NAA35: variants seen among roughly 807,000 people sequenced by gnomAD.
The protein encoded by NAA35 is MAK10 homolog, amino-acid N-acetyltransferase subunit.
Under a neutral mutation model 101.7 loss-of-function variants are expected in NAA35, and 18 were observed. That is an observed-to-expected ratio of 0.18 (90% confidence interval 0.12 to 0.26). The LOEUF is 0.26. NAA35 is among the 10% of genes least tolerant of loss of function. The probability of loss-of-function intolerance (pLI) is 1.00; values close to 1 mark genes in which losing one functional copy is unlikely to be tolerated. For missense variants in NAA35, 601 were observed against 886.8 expected, an observed-to-expected ratio of 0.68 and a Z score of 4.09; for synonymous variants, 267 against 273.1, an observed-to-expected ratio of 0.98 and a Z score of 0.22.
At position 86,020,944 on chromosome 9, in the gene NAA35, CAGG is replaced by C; in HGVS notation, c.2098_2100del (p.Gly700del). ...AACTTTGTGGTTATGAAGTTATTGG[CAGG>C]AGGACACAAAAAGGAATCTAAAGTG... On this transcript the variant is annotated inframe_deletion, in exon 22 of 23. Coordinates refer to ENST00000361671, the MANE Select transcript of NAA35 (RefSeq NM_024635.4). The C allele has an allele frequency of 6.2e-7, 1 of 1,611,082 alleles. No individual in the cohort carries two copies. Among genetic ancestry groups the C allele is most frequent in the Non-Finnish European group, 8.5e-7 (1 of 1,178,528 alleles).
At chr9:85,995,436 T>A (rs1831113377) in intron 11 of NAA35, among the ~76,000 whole-genome samples, 1 of 151,964 alleles carries the variant, frequency 6.6e-6, no homozygotes, top group Non-Finnish European at 1.5e-5. Context: ...ATAAGTAACA[T>A]CAACCAGTTG....
intron 6 of NAA35, among the ~76,000 whole-genome samples, chr9:85,972,057 G>C (rs1372590953): frequency 6.6e-6 from 1 of 152,064 alleles, no homozygotes. Context: ...CAATAACTTA[G>C]ATTAAATTCT....
chr9:86,014,234 A>AT (rs1832091128), intron 17 of NAA35: 1 of 282,982 alleles, frequency 3.5e-6, no homozygotes, highest in Non-Finnish European at 5.3e-6. Context: ...CTTGACAGTT[A>AT]AACATCAAAT....
Position 86,017,580 on chromosome 9 carries a change from G to T in NAA35, c.1773+15G>T. On this transcript the variant is annotated intron_variant, in intron 19 of 22. Transcript: ENST00000361671. The stretch of plus-strand genomic sequence containing the variant: ...GAATGTTTAAAGTAAGTTGTTGAAA[G>T]TGAAGTTCTTTTTGCCTTTTAGCTA... 1.2e-6 allele frequency: 2 copies of T among 1,610,208 alleles called. No homozygotes were observed. The highest frequency in any genetic ancestry group is 1.7e-6 in the Non-Finnish European group (2 of 1,177,456).
chr9:86,025,438 T>C lies in NAA35; in HGVS notation c.*3478T>C, dbSNP rs1832744309. Among the ~76,000 whole-genome samples, 1 of 152,132 alleles carries C rather than the reference T, an allele frequency of 6.6e-6. No individual in the cohort carries two copies. Among genetic ancestry groups the C allele is most frequent in the Admixed American group, 6.6e-5 (1 of 15,260 alleles). On this transcript the variant is annotated 3_prime_UTR_variant, in exon 23 of 23. Coordinates refer to ENST00000361671, the MANE Select transcript of NAA35 (RefSeq NM_024635.4). ...CCATATTCATACTTGCCCCACTCTA[T>C]TTGTGGAGTGGCTGGTATGATCTTA...
At chr9:85,994,279 A>G (rs1831063996) in intron 11 of NAA35, among the ~76,000 whole-genome samples, 1 of 152,174 alleles carries the variant, frequency 6.6e-6, no homozygotes, top group South Asian at 2.1e-4. Flanking sequence ...TTATGTTCTA[A>G]ACTGGAACTC....
At chr9:85,941,708 G>A in intron 1 of NAA35, 9 of 986,438 alleles carry the variant, frequency 9.1e-6, no homozygotes, top group Non-Finnish European at 1.1e-5. Flanking sequence ...GCTCTGGCCC[G>A]GGAGAGGTCC....
chr9:85,962,490 C>CAAAAAA (rs781302881), intron 6 of NAA35, among the ~76,000 whole-genome samples: 1,971 of 85,266 alleles, frequency 0.023, 124 homozygotes, highest in Non-Finnish European at 0.032. Flanking sequence ...GACTCTGTCT[C>CAAAAAA]AAAAAAAAAA....
intron 17 of NAA35, chr9:86,014,320 T>C: frequency 1.1e-6 from 1 of 927,192 alleles, no homozygotes; most frequent in Non-Finnish European, 1.3e-6. Flanking sequence ...CAAACCGTGG[T>C]GCTGAGGATT....
At chr9:86,012,965 G>A (rs1832020989) in intron 15 of NAA35, 81 bp from the exon 16 acceptor site, 4 of 951,908 alleles carry the variant, frequency 4.2e-6, no homozygotes, top group Admixed American at 5.3e-5. Flanking sequence ...CCTTAAACCA[G>A]ATTGTGAACT....
intron 11 of NAA35, chr9:85,986,422 G>A (rs1019796474): frequency 4.7e-5 from 22 of 470,056 alleles, no homozygotes; most frequent in Admixed American, 2.3e-5. Context: ...TGTGGTTACA[G>A]TGCTACTTGT....
intron 1 of NAA35, chr9:85,941,751 G>C: frequency 1.0e-6 from 1 of 990,006 alleles, no homozygotes; most frequent in Non-Finnish European, 1.2e-6. Flanking sequence ...GGGCTACCTT[G>C]ATTGACTTCG....
chr9:86,016,578 A>G lies in NAA35; in HGVS notation c.1608A>G (p.Thr536=), dbSNP rs1422799582. 6 of 1,614,084 alleles carry G rather than the reference A, an allele frequency of 3.7e-6. No individual in the cohort carries two copies. Among genetic ancestry groups the G allele is most frequent in the East Asian group, 4.5e-5 (2 of 44,872 alleles). The change falls in exon 18 of 23, where the codon ACA becomes ACG. Residue 536 remains threonine (T), a synonymous_variant. Coordinates refer to ENST00000361671, the MANE Select transcript of NAA35 (RefSeq NM_024635.4). ...TCCTTTACGCATGGTTGATGTCAAC[A>G]TTGAGTCGTGCCGATGGCTCTCAAA... The part of the protein sequence containing the change: ...SEFLYAWLMS[T]LSRADGSQMA...
chr9:85,942,767 C>T (rs949229000), intron 2 of NAA35, among the ~76,000 whole-genome samples: 2 of 152,194 alleles, frequency 1.3e-5, no homozygotes, highest in East Asian at 3.8e-4. Context: ...TTATTACATT[C>T]CAGTCACAGG....
chr9:85,942,366 T>G (rs187162520), intron 2 of NAA35, 83 bp downstream of exon 2: 1 of 1,534,860 alleles, frequency 6.5e-7, no homozygotes, highest in African/African-American at 1.4e-5. Context: ...CCTCATTAGA[T>G]GAAATCAACA....
At chr9:86,008,744 A>T (rs1190246578) in intron 14 of NAA35, among the ~76,000 whole-genome samples, 3 of 152,196 alleles carry the variant, frequency 2.0e-5, no homozygotes, top group Non-Finnish European at 4.4e-5. Context: ...TAAAACTTTC[A>T]GTGTTATAGA....
At chr9:85,956,749 C>A (rs192799462) in intron 3 of NAA35, among the ~76,000 whole-genome samples, 86 of 152,238 alleles carry the variant, frequency 5.6e-4, no homozygotes, top group African/African-American at 1.9e-3. Flanking sequence ...AAATGAGAAT[C>A]CCTGTGTCTT....
chr9:85,982,973 T>A (rs1321070622), intron 11 of NAA35, among the ~76,000 whole-genome samples: 2 of 152,150 alleles, frequency 1.3e-5, no homozygotes, highest in Non-Finnish European at 2.9e-5. Flanking sequence ...CAAGGCTGCA[T>A]TATTGGTTTG....
intron 14 of NAA35, among the ~76,000 whole-genome samples, chr9:86,008,027 A>C (rs1406593952): frequency 6.6e-6 from 1 of 152,170 alleles, no homozygotes; most frequent in Non-Finnish European, 1.5e-5. Flanking sequence ...CTTTTATCCA[A>C]AATGCCCTGG....
Sources: gnomAD v4.1 joint callset for allele counts (sites outside exome capture counted in the v4.1 genomes callset) on GRCh38, gnomAD v4.1.1 for gene constraint, MANE v1.5 for transcripts, NCBI Gene and HGNC (gene_info 2026-07-23, HGNC 2026-07-21) for gene names.